The following TUBGCP3 variants were observed in gnomAD, a reference collection of about 807,000 sequenced individuals.
TUBGCP3 encodes gamma-tubulin complex component 3.
Under a neutral mutation model 123.1 loss-of-function variants are expected in TUBGCP3, and 50 were observed. The observed-to-expected ratio is 0.41, with a 90% CI of 0.32 to 0.51. The LOEUF is 0.51. Ranked by LOEUF, TUBGCP3 falls within the 20% of genes least tolerant of loss-of-function variation. TUBGCP3 has a pLI of 0.36. For missense variants in TUBGCP3, 882 were observed against 1,127.0 expected, an observed-to-expected ratio of 0.78 and a Z score of 3.11; for synonymous variants, 405 against 413.9, an observed-to-expected ratio of 0.98 and a Z score of 0.26.
chr13:112,559,477 A>G, intron 3 of TUBGCP3, 78 bp from the exon 4 acceptor site: 1 of 1,160,834 alleles, frequency 8.6e-7, no homozygotes, highest in African/African-American at 1.6e-5. Context: ...CCTGAACTAT[A>G]TTTCCAAACT....
At chr13:112,563,222 A>C (rs1185623855) in intron 3 of TUBGCP3, among the ~76,000 whole-genome samples, 1 of 152,128 alleles carries the variant, frequency 6.6e-6, no homozygotes, top group East Asian at 1.9e-4. Flanking sequence ...TGCACCTTTG[A>C]CCTTTCGTCC....
At position 112,519,820 on chromosome 13, in the gene TUBGCP3, A is replaced by C; in HGVS notation, c.1881+66T>G. 2 of 1,553,768 alleles carry C rather than the reference A, an allele frequency of 1.3e-6. No homozygotes were observed. The highest frequency in any genetic ancestry group is 1.7e-6 in the Non-Finnish European group (2 of 1,149,932). ...TGAAACAACATGGAAAACACTCGCTAGAACACCCCGGCCCAGTGGGTCCTC... is the reference window on the plus strand; with the variant it reads ...TGAAACAACATGGAAAACACTCGCTCGAACACCCCGGCCCAGTGGGTCCTC... On this transcript the variant is annotated intron_variant, in intron 15 of 21. Transcript: ENST00000261965. The surrounding 1 kb of genome is among the most constrained non-coding windows in gnomAD (Gnocchi z 6.2).
the TUBGCP3 span, among the ~76,000 whole-genome samples, chr13:112,593,915 TA>T: frequency 6.6e-6 from 1 of 152,036 alleles, no homozygotes; most frequent in Non-Finnish European, 1.5e-5. Flanking sequence ...TTAAAATGTT[TA>T]AAAAAATAGA....
At chr13:112,558,057 G>T in intron 5 of TUBGCP3, 139 bp downstream of exon 5, 1 of 895,032 alleles carries the variant, frequency 1.1e-6, no homozygotes, top group Non-Finnish European at 1.6e-6. Flanking sequence ...GGAGTGCATC[G>T]GACACAGTGC....
chr13:112,493,463 A>G (rs1304766492), intron 20 of TUBGCP3, among the ~76,000 whole-genome samples: 12 of 116,676 alleles, frequency 1.0e-4, no homozygotes, highest in South Asian at 3.0e-4. Context: ...GAGACACTCT[A>G]GCTTTGGGAA....
intron 3 of TUBGCP3, among the ~76,000 whole-genome samples, chr13:112,563,899 A>G (rs1880743055): frequency 6.6e-6 from 1 of 151,820 alleles, no homozygotes; most frequent in South Asian, 2.1e-4. Context: ...GTGTCTAAAT[A>G]TGTTTTCATC....
At chr13:112,495,485 AATG>A (rs1473096648) in intron 20 of TUBGCP3, among the ~76,000 whole-genome samples, 1 of 152,210 alleles carries the variant, frequency 6.6e-6, no homozygotes, top group Non-Finnish European at 1.5e-5. Context: ...CTTGGTATTA[AATG>A]ATATTTTCCA....
chr13:112,488,131 CAAAAAA>C (rs35453839), intron 21 of TUBGCP3, among the ~76,000 whole-genome samples: 1 of 53,442 alleles, frequency 1.9e-5, no homozygotes, highest in East Asian at 4.0e-4. Context: ...GACTTGGTCT[CAAAAAA>C]AAAAAAAAAA....
chr13:112,570,134 C>T (rs950359617), intron 1 of TUBGCP3, among the ~76,000 whole-genome samples: 5 of 152,076 alleles, frequency 3.3e-5, no homozygotes, highest in African/African-American at 1.2e-4. Flanking sequence ...CACCGAGACC[C>T]GCCCAGCAAG....
At chr13:112,551,367 T>C (rs1879576543) in intron 8 of TUBGCP3, among the ~76,000 whole-genome samples, 1 of 147,474 alleles carries the variant, frequency 6.8e-6, no homozygotes, top group Non-Finnish European at 1.5e-5. Context: ...TATATGATTT[T>C]GCTCCATTTG....
At chr13:112,500,990 G>A (rs139152428) in intron 19 of TUBGCP3, among the ~76,000 whole-genome samples, 2 of 152,216 alleles carry the variant, frequency 1.3e-5, no homozygotes, top group Non-Finnish European at 2.9e-5. Flanking sequence ...TGATGCAGGA[G>A]AACTTGGTAT....
At chr13:112,547,872 C>A in intron 9 of TUBGCP3, 120 bp from the exon 10 acceptor site, 1 of 1,212,826 alleles carries the variant, frequency 8.2e-7, no homozygotes, top group South Asian at 2.5e-5. Context: ...GCCAAAGTCC[C>A]CTTTAAAAAA....
intron 2 of TUBGCP3, among the ~76,000 whole-genome samples, chr13:112,567,584 C>G (rs540586739): frequency 2.0e-4 from 30 of 152,270 alleles, no homozygotes; most frequent in African/African-American, 7.2e-4. Flanking sequence ...TATAAATACC[C>G]CATTTTTATT....
At chr13:112,528,278 TA>T (rs1327851922) in intron 11 of TUBGCP3, among the ~76,000 whole-genome samples, 8 of 152,258 alleles carry the variant, frequency 5.3e-5, no homozygotes, top group African/African-American at 1.9e-4. Context: ...ACTTGTTTTA[TA>T]AAAGCACAAC....
chr13:112,566,842 A>G (rs1594211772), intron 2 of TUBGCP3, among the ~76,000 whole-genome samples: 1 of 152,198 alleles, frequency 6.6e-6, no homozygotes, highest in African/African-American at 2.4e-5. Flanking sequence ...AATGTACCCC[A>G]CCTGCCAGTG....
At chr13:112,526,736 C>T (rs1285931842) in intron 13 of TUBGCP3, among the ~76,000 whole-genome samples, 1 of 152,028 alleles carries the variant, frequency 6.6e-6, no homozygotes, top group Non-Finnish European at 1.5e-5. Flanking sequence ...TCATCACCAC[C>T]ATCACTGCCA....
intron 2 of TUBGCP3, among the ~76,000 whole-genome samples, chr13:112,565,543 AAAT>A (rs1313941415): frequency 6.6e-6 from 1 of 152,248 alleles, no homozygotes; most frequent in Non-Finnish European, 1.5e-5. Context: ...TGGAAAGTGA[AAAT>A]ATTAGGAATC....
At chr13:112,580,622 AT>A (rs1882216806) in intron 1 of TUBGCP3, among the ~76,000 whole-genome samples, 1 of 152,218 alleles carries the variant, frequency 6.6e-6, no homozygotes, top group South Asian at 2.1e-4. Flanking sequence ...AACATGCAGG[AT>A]TTTTTAAAAT....
chr13:112,583,693 G>A (rs375316378), intron 1 of TUBGCP3, among the ~76,000 whole-genome samples: 7 of 152,180 alleles, frequency 4.6e-5, no homozygotes, highest in East Asian at 1.9e-4. Flanking sequence ...AAACAACTGC[G>A]GAAAAGTTGA....
Sources: allele counts gnomAD v4.1 joint callset (sites outside exome capture counted in the v4.1 genomes callset), GRCh38; gene constraint gnomAD v4.1.1; non-coding constraint Gnocchi (gnomAD v3.1); transcripts MANE v1.5; gene names NCBI Gene and HGNC (gene_info 2026-07-23, HGNC 2026-07-21).